Variants in TNS1 observed in about 807,000 individuals in gnomAD.
TNS1 encodes the protein tensin 1.
In TNS1, 62 loss-of-function variants were observed where a neutral mutation model predicts 168.6. That is an observed-to-expected ratio of 0.37 (90% confidence interval 0.30 to 0.45). TNS1 has a LOEUF of 0.45. Among genes scored for constraint, TNS1 ranks in the 20% least tolerant of loss-of-function variants. The pLI is 1.00. For missense variants in TNS1, 2,240 were observed against 2,339.4 expected, an observed-to-expected ratio of 0.96 and a Z score of 0.88; for synonymous variants, 934 against 933.2, an observed-to-expected ratio of 1.00 and a Z score of -0.02.
At chr2:217,934,498 C>G (rs1352696462) in intron 3 of TNS1, among the ~76,000 whole-genome samples, 1 of 152,208 alleles carries the variant, frequency 6.6e-6, no homozygotes, top group Non-Finnish European at 1.5e-5. Flanking sequence ...CTCACTTTGC[C>G]TCTGCACCCC....
At chr2:217,971,560 A>T (rs1285079007) in intron 3 of TNS1, among the ~76,000 whole-genome samples, 3 of 152,246 alleles carry the variant, frequency 2.0e-5, no homozygotes, top group African/African-American at 7.2e-5. Context: ...TTTTACAGAC[A>T]TGTGTTTACT....
At chr2:217,931,492 A>T (rs1417340611) in intron 3 of TNS1, among the ~76,000 whole-genome samples, 1 of 152,198 alleles carries the variant, frequency 6.6e-6, no homozygotes, top group Non-Finnish European at 1.5e-5. Context: ...AGCCAGGCCC[A>T]AAATAGAGAA....
chr2:217,900,763 A>G, intron 6 of TNS1: 1 of 545,974 alleles, frequency 1.8e-6, no homozygotes, highest in Non-Finnish European at 3.2e-6. Context: ...AATGCTGAGG[A>G]GTGCACCCCA....
intron 19 of TNS1, among the ~76,000 whole-genome samples, chr2:217,846,463 A>G (rs947669247): frequency 1.3e-5 from 2 of 152,050 alleles, no homozygotes; most frequent in African/African-American, 2.4e-5. Context: ...TAAATTTAGG[A>G]AAAGGGGTGG....
intron 4 of TNS1, among the ~76,000 whole-genome samples, chr2:217,917,347 C>T (rs751328128): frequency 6.6e-6 from 1 of 152,212 alleles, no homozygotes; most frequent in Non-Finnish European, 1.5e-5. Context: ...AGCGGGGACA[C>T]AGCACCGAAC....
chr2:217,980,477 C>T (rs1042890871), intron 2 of TNS1, among the ~76,000 whole-genome samples: 8 of 148,948 alleles, frequency 5.4e-5, no homozygotes, highest in African/African-American at 1.8e-4. Flanking sequence ...TCCAGGGGGA[C>T]CTGCCTCTCT....
At chr2:217,891,469 A>AG (rs899789766) in intron 11 of TNS1, among the ~76,000 whole-genome samples, 1 of 152,208 alleles carries the variant, frequency 6.6e-6, no homozygotes, top group Non-Finnish European at 1.5e-5. Context: ...GGCACACAGT[A>AG]GGGGTACAGG....
At chr2:217,935,316 C>T (rs911218314) in intron 3 of TNS1, among the ~76,000 whole-genome samples, 49 of 152,252 alleles carry the variant, frequency 3.2e-4, no homozygotes, top group African/African-American at 8.4e-4. Flanking sequence ...GCAGGCCCTC[C>T]GGAGGCTCTG....
intron 22 of TNS1, among the ~76,000 whole-genome samples, chr2:217,822,658 G>A (rs35833791): frequency 0.073 from 11,167 of 152,212 alleles, 453 homozygotes; most frequent in South Asian, 0.11. Context: ...ATTATACACG[G>A]CACTACCTGG....
At chr2:218,003,435 C>T (rs1260956853), upstream of TNS1, among the ~76,000 whole-genome samples, 1 of 152,158 alleles carries the variant, frequency 6.6e-6, no homozygotes, top group African/African-American at 2.4e-5. Flanking sequence ...CTCTGAGTAC[C>T]CGTGCCTGCC....
chr2:218,014,421 AC>A (rs1559412256), upstream of TNS1, among the ~76,000 whole-genome samples: 1 of 152,024 alleles, frequency 6.6e-6, no homozygotes, highest in Non-Finnish European at 1.5e-5. Context: ...GCCCCTCAGC[AC>A]CCACACCAGG....
chr2:217,869,682 C>T (rs957550815), intron 18 of TNS1, among the ~76,000 whole-genome samples: 3 of 152,208 alleles, frequency 2.0e-5, no homozygotes, highest in African/African-American at 7.2e-5. Flanking sequence ...GCATCTACTG[C>T]GGGTTTGGTG....
At chr2:217,957,472 C>T (rs1055006675) in intron 3 of TNS1, among the ~76,000 whole-genome samples, 2 of 152,130 alleles carry the variant, frequency 1.3e-5, no homozygotes, top group East Asian at 1.9e-4. Context: ...AGGTAAAAAC[C>T]ATGAAATAAG....
chr2:217,987,334 G>A (rs1308464446), intron 2 of TNS1, among the ~76,000 whole-genome samples: 8 of 152,120 alleles, frequency 5.3e-5, no homozygotes, highest in East Asian at 1.9e-4. Flanking sequence ...TCACAGGTCC[G>A]GAGGAACCCC....
At chr2:217,882,082 T>A (rs757863926) in intron 17 of TNS1, 10 of 343,444 alleles carry the variant, frequency 2.9e-5, no homozygotes, top group Non-Finnish European at 4.7e-5. Context: ...TCTCTGAATA[T>A]AACAGGCTGA....
At chr2:217,897,284 G>C (rs1454872106) in intron 8 of TNS1, among the ~76,000 whole-genome samples, 1 of 152,180 alleles carries the variant, frequency 6.6e-6, no homozygotes, top group East Asian at 1.9e-4. Context: ...GGCCGAGCCA[G>C]GTGCCAGCAA....
rs545867418 is a variant in TNS1 at position 217,864,141 on chromosome 2, C to A, written c.1430-15054G>T. Among the ~76,000 whole-genome samples, 3 of 152,316 alleles carry A rather than the reference C, an allele frequency of 2.0e-5. No homozygotes were observed. The South Asian group carries it at 6.2e-4, about 32-fold the overall frequency. ...AGGAAGGGAATTGTCAACTCCCAGG[C>A]AGATGTTTGTGTTGGATGAGGGTCG... is the stretch of plus-strand genomic sequence containing the variant. On this transcript the variant is annotated intron_variant, in intron 18 of 32. Transcript: ENST00000682258.
chr2:218,020,417 T>G (rs1018663501), intron 1 of TNS1, among the ~76,000 whole-genome samples: 1 of 152,080 alleles, frequency 6.6e-6, no homozygotes, highest in Non-Finnish European at 1.5e-5. Flanking sequence ...TTATCACCTC[T>G]GACAACAGTG....
chr2:217,851,623 A>G (rs990151048), intron 18 of TNS1, among the ~76,000 whole-genome samples: 5 of 152,170 alleles, frequency 3.3e-5, no homozygotes, highest in African/African-American at 9.7e-5. Context: ...CCCAGGGCCC[A>G]GGGCTGGTCT....
Sources: allele counts gnomAD v4.1 joint callset (sites outside exome capture counted in the v4.1 genomes callset), GRCh38; gene constraint gnomAD v4.1.1; transcripts MANE v1.5; gene names NCBI Gene and HGNC (gene_info 2026-07-23, HGNC 2026-07-21).